The following PTPRD variants were observed in gnomAD, a reference collection of about 807,000 sequenced individuals.
PTPRD encodes the protein receptor-type tyrosine-protein phosphatase delta.
A neutral mutation model predicts 214.5 loss-of-function variants in PTPRD; 34 were observed. The ratio of observed to expected loss-of-function variants is 0.16; its 90% CI spans 0.12 to 0.21. The LOEUF is 0.21. Among genes scored for constraint, PTPRD ranks in the 10% least tolerant of loss-of-function variants. The pLI, the probability that PTPRD is intolerant of heterozygous loss-of-function variation, is 1.00. For synonymous variants in PTPRD, 1,128 were observed against 845.7 expected (o/e 1.33, Z -5.79); for missense variants, 2,545 against 2,398.7 (o/e 1.06, Z -1.27).
At chr9:9,527,969 A>G (rs141804194) in intron 8 of PTPRD, among the ~76,000 whole-genome samples, 18 of 152,314 alleles carry the variant, frequency 1.2e-4, no homozygotes, top group Non-Finnish European at 1.8e-4. Flanking sequence ...GTAGTGTAGG[A>G]CTATGATCCC....
At chr9:8,469,761 C>G (rs567083627) in intron 31 of PTPRD, among the ~76,000 whole-genome samples, 1 of 152,108 alleles carries the variant, frequency 6.6e-6, no homozygotes, top group East Asian at 1.9e-4. Context: ...CATCTAATCA[C>G]TAGTGACACA....
intron 7 of PTPRD, among the ~76,000 whole-genome samples, chr9:9,613,122 GTATACATACATACATATATATATATATA>G (rs1254262423): frequency 5.9e-5 from 4 of 68,126 alleles, no homozygotes; most frequent in African/African-American, 3.4e-4. Context: ...CTAGGCTGCA[GTATACATACATACATATATATATATATA>G]TATATATATA....
chr9:9,799,494 A>C (rs980599589), intron 5 of PTPRD: 1 of 152,232 alleles, frequency 6.6e-6, no homozygotes, highest in African/African-American at 2.4e-5. Context: ...CTTGCAAATC[A>C]GTAAGCCTTG....
chr9:8,570,628 C>A (rs1398540305), intron 14 of PTPRD, among the ~76,000 whole-genome samples: 4 of 152,046 alleles, frequency 2.6e-5, no homozygotes, highest in Non-Finnish European at 5.9e-5. Flanking sequence ...ATGGTTGTGG[C>A]TATTTGTCAA....
chr9:10,539,775 G>T (rs1443088934), intron 2 of PTPRD, among the ~76,000 whole-genome samples: 1 of 152,084 alleles, frequency 6.6e-6, no homozygotes, highest in Non-Finnish European at 1.5e-5. Context: ...TTTGGAGGCG[G>T]ACCTCCTTTC....
chr9:8,721,536 T>C lies in PTPRD; in HGVS notation c.64+12244A>G, dbSNP rs139141939. Among the ~76,000 whole-genome samples the C allele has an allele frequency of 9.2e-4, 140 of 152,224 alleles. No homozygotes were observed. In the East Asian group the frequency reaches 0.024, roughly 26 times the overall value. ...ATTAATTAAGATAAAATTAATTTTA[T>C]TGATAAAAATAAAATATTAACAAAA... On this transcript the variant is annotated intron_variant, in intron 12 of 45. Transcript: ENST00000381196.
intron 5 of PTPRD, among the ~76,000 whole-genome samples, chr9:9,885,997 G>A (rs2070752876): frequency 6.7e-6 from 1 of 149,822 alleles, no homozygotes. Context: ...AAAAAAAAAA[G>A]ATTCAAAGTT....
At chr9:8,980,410 C>A (rs564128377) in intron 11 of PTPRD, among the ~76,000 whole-genome samples, 2 of 151,888 alleles carry the variant, frequency 1.3e-5, no homozygotes, top group Non-Finnish European at 2.9e-5. Flanking sequence ...ACAGAAACTA[C>A]GTAAGATGAT....
chr9:9,507,939 A>C (rs558175624), intron 8 of PTPRD, among the ~76,000 whole-genome samples: 1 of 151,492 alleles, frequency 6.6e-6, no homozygotes, highest in Non-Finnish European at 1.5e-5. Flanking sequence ...TCATTTCAGA[A>C]GGGGAAAATG....
chr9:9,384,911 T>G (rs1434950397), intron 9 of PTPRD, among the ~76,000 whole-genome samples: 1 of 152,122 alleles, frequency 6.6e-6, no homozygotes, highest in African/African-American at 2.4e-5. Flanking sequence ...CTCAAACACT[T>G]TAAAAAGTTG....
chr9:8,375,946 C>G lies in PTPRD; in HGVS notation c.4651G>C (p.Val1551Leu), dbSNP rs2134797657. 1 of 1,612,198 alleles carries G rather than the reference C, an allele frequency of 6.2e-7. No homozygotes were observed. The highest frequency in any genetic ancestry group is 8.5e-7 in the Non-Finnish European group (1 of 1,178,844). ...ACAAACGCTTCTTACCTGCAGTGCA[C>G]AACCATCGGACCAGCATCGGGAGGG... is the stretch of plus-strand genomic sequence containing the variant. ...CNPPDAGPMV[V>L]HCSAGVGRTG... The change falls in exon 39 of 46, where the codon GTG becomes CTG. Residue 1551 changes from valine (V) to leucine (L), a missense_variant. Physicochemically the swap from Val to Leu is conservative, Grantham distance 32. Coordinates refer to ENST00000381196, the MANE Select transcript of PTPRD (RefSeq NM_002839.4).
At chr9:10,607,517 A>T (rs1465043179) in intron 2 of PTPRD, among the ~76,000 whole-genome samples, 1 of 151,914 alleles carries the variant, frequency 6.6e-6, no homozygotes, top group African/African-American at 2.4e-5. Context: ...AAGTCTCTAC[A>T]ATTAATCAGC....
chr9:10,041,239 G>A (rs2097291959), intron 3 of PTPRD, among the ~76,000 whole-genome samples: 1 of 151,900 alleles, frequency 6.6e-6, no homozygotes, highest in Non-Finnish European at 1.5e-5. Context: ...ATGTGTAGTT[G>A]TATATTGAGG....
Position 10,330,689 on chromosome 9 carries a change from A to T in PTPRD, c.-545+10274T>A, listed in dbSNP as rs117868135. On this transcript the variant is annotated intron_variant, in intron 3 of 45. Transcript: ENST00000381196. ...TTGCACACGATTTTGTAAGTAGAGA[A>T]GTGGTAGTAATGTTTACTCTCCAAA... 4.3e-3 allele frequency among the ~76,000 whole-genome samples: 659 copies of T among 151,944 alleles called. 8 individuals are homozygous for T. Among genetic ancestry groups the T allele is most frequent in the Non-Finnish European group, 5.7e-3 (384 of 67,836 alleles).
chr9:8,912,994 T>G (rs569657523), intron 11 of PTPRD, among the ~76,000 whole-genome samples: 1 of 152,284 alleles, frequency 6.6e-6, no homozygotes, highest in African/African-American at 2.4e-5. Context: ...TTCCCATTAA[T>G]CTATTTTGAA....
intron 7 of PTPRD, among the ~76,000 whole-genome samples, chr9:9,655,000 T>TATATAG (rs1009438615): frequency 6.8e-6 from 1 of 147,078 alleles, no homozygotes; most frequent in Non-Finnish European, 1.5e-5. Flanking sequence ...AGCATATATA[T>TATATAG]ATATAGATAT....
At chr9:10,023,984 TTTAAA>T (rs139825247) in intron 4 of PTPRD, among the ~76,000 whole-genome samples, 17,407 of 152,008 alleles carry the variant, frequency 0.11, 1,369 homozygotes, top group African/African-American at 0.21. Flanking sequence ...ATTATTTTGG[TTTAAA>T]TTAAATAGCT....
intron 8 of PTPRD, among the ~76,000 whole-genome samples, chr9:9,569,279 G>GA (rs150202629): frequency 0.03 from 4,365 of 145,354 alleles, 203 homozygotes; most frequent in African/African-American, 0.1. Context: ...GAGCAGAGGG[G>GA]AAAAAAAAAA....
chr9:8,644,748 G>A lies in PTPRD; in HGVS notation c.65-7904C>T, dbSNP rs551069638. 9.8e-5 allele frequency among the ~76,000 whole-genome samples: 15 copies of A among 152,328 alleles called. No individual in the cohort carries two copies. The East Asian group carries it at 2.3e-3, about 24-fold the overall frequency. ...ACTAGCACCCGGAACCGCCCACCCC[G>A]TGGCAGCGGCCAACATGTCTGACTG... On this transcript the variant is annotated intron_variant, in intron 12 of 45. Transcript: ENST00000381196.
Sources: gnomAD v4.1 joint callset for allele counts (sites outside exome capture counted in the v4.1 genomes callset) on GRCh38, gnomAD v4.1.1 for gene constraint, MANE v1.5 for transcripts, NCBI Gene and HGNC (gene_info 2026-07-23, HGNC 2026-07-21) for gene names.